Variants in TOPAZ1 observed in about 807,000 individuals in gnomAD.
TOPAZ1 encodes the protein testis and ovary specific TOPAZ 1.
Under a neutral mutation model 172.2 loss-of-function variants are expected in TOPAZ1, and 66 were observed. The observed-to-expected ratio is 0.38, with a 90% CI of 0.31 to 0.47. The LOEUF (loss-of-function observed/expected upper bound fraction) is 0.47, where lower values mean the gene tolerates loss of function less well. Among genes scored for constraint, TOPAZ1 ranks in the 20% least tolerant of loss-of-function variants. TOPAZ1 has a pLI of 0.99. For missense variants in TOPAZ1, 1,822 were observed against 1,972.4 expected (o/e 0.92, Z 1.44); for synonymous variants, 681 against 683.9 (o/e 1.00, Z 0.07).
Position 44,256,127 on chromosome 3 carries a change from TAGTTGAA to T in TOPAZ1, c.2828-23_2828-17del, listed in dbSNP as rs755057242. The T allele has an allele frequency of 1.6e-4, 232 of 1,469,078 alleles. No individual in the cohort carries two copies. In the African/African-American group the frequency reaches 2.9e-3, roughly 18 times the overall value. The allele number at this position is 1,469,078 out of a possible 1,614,324, so 91.0% of individuals were successfully genotyped here. A position where few individuals can be genotyped will look rare whatever the true frequency, so the allele number is the denominator to read the frequency against. On this transcript the variant is annotated splice_polypyrimidine_tract_variant and intron_variant, in intron 3 of 19. Transcript: ENST00000309765. Reference sequence around the variant, plus strand: ...AGTTATTTTGTCTTTAAAGTTTCTATAGTTGAATATTATTTCTTTTCAGAAAGTGAAA... The same window carrying T: ...AGTTATTTTGTCTTTAAAGTTTCTATTATTATTTCTTTTCAGAAAGTGAAA...
At chr3:44,263,338 T>C (rs1351537061) in intron 5 of TOPAZ1, among the ~76,000 whole-genome samples, 5 of 152,212 alleles carry the variant, frequency 3.3e-5, no homozygotes, top group African/African-American at 1.2e-4. Flanking sequence ...CATAGTGTAA[T>C]TGCAGACTGC....
Position 44,242,954 on chromosome 3 carries a change from A to G in TOPAZ1, c.448A>G (p.Thr150Ala). ...ESLTSSESFQ[T>A]VECLQSLGKE... ...ATTAACCAGTTCGGAATCTTTCCAAACAGTGGAATGCTTGCAGTCTTTGGG... is the reference window on the plus strand; with the variant it reads ...ATTAACCAGTTCGGAATCTTTCCAAGCAGTGGAATGCTTGCAGTCTTTGGG... Residue 150 changes from threonine to alanine, a missense_variant, in exon 2 of 20, where the codon ACA becomes GCA. Thr to Ala is a moderately conservative substitution (Grantham distance 58). This residue lies in a region of TOPAZ1 where 1,489 missense variants were observed against 1,490.8 expected (regional missense o/e 1.00). Coordinates refer to ENST00000309765, the MANE Select transcript of TOPAZ1 (RefSeq NM_001145030.2). The G allele has an allele frequency of 6.4e-7, 1 of 1,550,880 alleles. No homozygotes were observed. Among genetic ancestry groups the G allele is most frequent in the African/African-American group, 1.4e-5 (1 of 73,152 alleles).
At chr3:44,275,261 C>T (rs371498475) in intron 8 of TOPAZ1, among the ~76,000 whole-genome samples, 3 of 152,000 alleles carry the variant, frequency 2.0e-5, no homozygotes, top group African/African-American at 7.3e-5. Context: ...TTGTTGCTAA[C>T]TATAGTCATC....
chr3:44,251,121 T>G (rs1185624098), intron 2 of TOPAZ1, among the ~76,000 whole-genome samples: 1 of 149,808 alleles, frequency 6.7e-6, no homozygotes, highest in Non-Finnish European at 1.5e-5. Context: ...TTTTTCTCTC[T>G]TTTTTTTTTC....
downstream of TOPAZ1, among the ~76,000 whole-genome samples, chr3:44,333,853 G>C (rs987750495): frequency 6.6e-6 from 1 of 152,208 alleles, no homozygotes; most frequent in African/African-American, 2.4e-5. Flanking sequence ...GGAGGATGCA[G>C]AAGGATGCAG....
intron 17 of TOPAZ1, 124 bp downstream of exon 17, chr3:44,321,315 G>T: frequency 1.5e-6 from 1 of 670,818 alleles, no homozygotes; most frequent in Non-Finnish European, 2.3e-6. Context: ...TAATGAAGTA[G>T]TTTTCTGTAA....
Position 44,256,539 on chromosome 3 carries a change from A to C in TOPAZ1, c.2955+261A>C, listed in dbSNP as rs111361066. Among the ~76,000 whole-genome samples, 593 of 152,274 alleles carry C rather than the reference A, an allele frequency of 3.9e-3. 2 individuals are homozygous for C. Among genetic ancestry groups the C allele is most frequent in the Middle Eastern group, 0.017 (5 of 294 alleles). Reference sequence around the variant, plus strand: ...TTTTAGTATCTGAAGTTTGTCACAAACCTATGAAAGTCTTTCTAAATAAAA... The same window carrying C: ...TTTTAGTATCTGAAGTTTGTCACAACCCTATGAAAGTCTTTCTAAATAAAA... On this transcript the variant is annotated intron_variant, in intron 4 of 19. Transcript: ENST00000309765.
At chr3:44,306,553 C>T (rs1011774296) in intron 15 of TOPAZ1, 127 bp downstream of exon 15, 4 of 527,804 alleles carry the variant, frequency 7.6e-6, no homozygotes, top group African/African-American at 7.5e-5. Flanking sequence ...AAAGTGGGAC[C>T]CAGACTAGTG....
intron 18 of TOPAZ1, among the ~76,000 whole-genome samples, chr3:44,324,754 C>T (rs925742707): frequency 6.6e-6 from 1 of 152,120 alleles, no homozygotes; most frequent in Admixed American, 6.5e-5. Context: ...CCATAATCAA[C>T]TTTAGAATAT....
intron 16 of TOPAZ1, among the ~76,000 whole-genome samples, chr3:44,319,810 A>G (rs577500511): frequency 6.6e-6 from 1 of 152,308 alleles, no homozygotes; most frequent in Admixed American, 6.5e-5. Flanking sequence ...ACTGGATACT[A>G]AAAGCTTTCT....
intron 19 of TOPAZ1, among the ~76,000 whole-genome samples, chr3:44,329,833 T>C (rs751211313): frequency 6.6e-6 from 1 of 152,204 alleles, no homozygotes; most frequent in Non-Finnish European, 1.5e-5. Flanking sequence ...GCCTGCCCTT[T>C]GCTTTGCAGG....
At chr3:44,249,713 G>T (rs1192491150) in intron 2 of TOPAZ1, among the ~76,000 whole-genome samples, 1 of 152,156 alleles carries the variant, frequency 6.6e-6, no homozygotes, top group African/African-American at 2.4e-5. Context: ...GAGAATTAAG[G>T]TTTCAATTCC....
intron 1 of TOPAZ1, among the ~76,000 whole-genome samples, 199 bp from the exon 2 acceptor site, chr3:44,242,654 C>T (rs1250269674): frequency 2.6e-5 from 4 of 152,150 alleles, no homozygotes; most frequent in African/African-American, 9.7e-5. Context: ...AAGGGTTATT[C>T]AGTTGCCTTA....
chr3:44,254,897 A>G, intron 2 of TOPAZ1, 71 bp from the exon 3 acceptor site: 1 of 1,119,012 alleles, frequency 8.9e-7, no homozygotes, highest in Admixed American at 2.1e-5. Flanking sequence ...GACTATTATT[A>G]ATGTTTAGAG....
chr3:44,241,897 C>G lies in TOPAZ1; in HGVS notation c.-157C>G. ...AGACACGAGGCCCCACTTCCGCTTA[C>G]GCGCCCCACTTCCGCTTCCGGCCCC... On this transcript the variant is annotated 5_prime_UTR_variant, in exon 1 of 20. Coordinates refer to ENST00000309765, the MANE Select transcript of TOPAZ1 (RefSeq NM_001145030.2). 1 of 706,092 alleles carries G rather than the reference C, an allele frequency of 1.4e-6. No homozygotes were observed. The highest frequency in any genetic ancestry group is 2.2e-6 in the Non-Finnish European group (1 of 446,358). The allele number at this position is 706,092 out of a possible 1,614,324, so 43.7% of individuals were successfully genotyped here.
intron 2 of TOPAZ1, 73 bp from the exon 3 acceptor site, chr3:44,254,895 T>C (rs769294150): frequency 3.2e-5 from 36 of 1,111,822 alleles, no homozygotes; most frequent in Non-Finnish European, 4.6e-5. Context: ...GTGACTATTA[T>C]TAATGTTTAG....
chr3:44,255,537 A>G (rs552525427), intron 3 of TOPAZ1, among the ~76,000 whole-genome samples: 1 of 151,758 alleles, frequency 6.6e-6, no homozygotes, highest in South Asian at 2.1e-4. Flanking sequence ...CTGTAGTCCC[A>G]GCTACTTGGG....
At chr3:44,335,031 A>G (rs1037923028), downstream of TOPAZ1, among the ~76,000 whole-genome samples, 1 of 152,138 alleles carries the variant, frequency 6.6e-6, no homozygotes, top group Non-Finnish European at 1.5e-5. Flanking sequence ...CACAACTCCA[A>G]CAATAAGTCC....
chr3:44,276,561 T>C (rs1205379302), intron 8 of TOPAZ1, among the ~76,000 whole-genome samples: 1 of 151,660 alleles, frequency 6.6e-6, no homozygotes, highest in East Asian at 1.9e-4. Flanking sequence ...ACCATGCTTT[T>C]TTGTTTACTG....
Sources: allele counts gnomAD v4.1 joint callset (sites outside exome capture counted in the v4.1 genomes callset), GRCh38; gene constraint gnomAD v4.1.1; regional missense constraint gnomAD v4.1.1; transcripts MANE v1.5; gene names NCBI Gene and HGNC (gene_info 2026-07-23, HGNC 2026-07-21).